THSD7B: variants seen among roughly 807,000 people sequenced by gnomAD.
THSD7B encodes the protein thrombospondin type-1 domain-containing protein 7B.
THSD7B carries 138 observed loss-of-function variants against 213.6 expected under a neutral mutation model. That is an observed-to-expected ratio of 0.65 (90% CI 0.56 to 0.74). The LOEUF is 0.74. THSD7B is among the 30% of genes least tolerant of loss of function. The probability of loss-of-function intolerance (pLI) is 0.00; values close to 1 mark genes in which losing one functional copy is unlikely to be tolerated. For missense variants in THSD7B, 1,931 were observed against 1,991.5 expected, an observed-to-expected ratio of 0.97 and a Z score of 0.58; for synonymous variants, 742 against 687.0, an observed-to-expected ratio of 1.08 and a Z score of -1.25.
chr2:137,595,936 A>G (rs1681949524), intron 17 of THSD7B, among the ~76,000 whole-genome samples: 1 of 151,934 alleles, frequency 6.6e-6, no homozygotes. Context: ...TTTTGAAGAT[A>G]TATATTACAT....
intron 16 of THSD7B, among the ~76,000 whole-genome samples, chr2:137,569,443 T>C (rs1681308658): frequency 6.6e-6 from 1 of 152,180 alleles, no homozygotes; most frequent in African/African-American, 2.4e-5. Flanking sequence ...CCTCTCCAGA[T>C]AGTAAACCAG....
At position 137,238,534 on chromosome 2, in the gene THSD7B, C is replaced by CTTTTTTTTTTT. The variant is rs869146863; in HGVS notation, c.2151-3903_2151-3893dup. Among the ~76,000 whole-genome samples, 47 of 51,876 alleles carry CTTTTTTTTTTT rather than the reference C, an allele frequency of 9.1e-4. 8 individuals carry two copies. Among genetic ancestry groups the CTTTTTTTTTTT allele is most frequent in the African/African-American group, 1.2e-3 (17 of 14,012 alleles). The allele number at this position is 51,876 out of a possible 152,430, so 34.0% of individuals were successfully genotyped here. A position where few individuals can be genotyped will look rare whatever the true frequency, so the allele number is the denominator to read the frequency against. ...TATCCTGATAATGACACTCATCTTT[C>CTTTTTTTTTTT]TTTTTTTTTTTTTTTTTTTTTTTTT... On this transcript the variant is annotated intron_variant, in intron 9 of 27. Coordinates refer to ENST00000409968, the MANE Select transcript of THSD7B (RefSeq NM_001316349.2).
chr2:136,872,527 TTCTTTTCTTTTC>T (rs1683446302), intron 1 of THSD7B, among the ~76,000 whole-genome samples: 1 of 151,970 alleles, frequency 6.6e-6, no homozygotes, highest in Admixed American at 6.6e-5. Context: ...CTTTTATTTT[TTCTTTTCTTTTC>T]TCTTTTTCTT....
intron 1 of THSD7B, among the ~76,000 whole-genome samples, chr2:136,839,257 C>T (rs568893084): frequency 1.3e-5 from 2 of 152,286 alleles, no homozygotes; most frequent in South Asian, 4.1e-4. Context: ...TGAGGGTCAC[C>T]CCTGGCTGGG....
intron 16 of THSD7B, among the ~76,000 whole-genome samples, chr2:137,568,041 G>C (rs1399531978): frequency 6.6e-6 from 1 of 152,140 alleles, no homozygotes; most frequent in African/African-American, 2.4e-5. Context: ...AGTTACTCAA[G>C]AAGACATAGT....
chr2:137,160,071 T>C (rs955655037), intron 5 of THSD7B, 142 bp from the exon 6 acceptor site: 11 of 984,454 alleles, frequency 1.1e-5, no homozygotes, highest in Non-Finnish European at 1.6e-5. Context: ...CAACACATAT[T>C]AGAAAGTGTT....
At chr2:137,356,280 C>T (rs1044348695) in intron 12 of THSD7B, among the ~76,000 whole-genome samples, 1 of 152,170 alleles carries the variant, frequency 6.6e-6, no homozygotes, top group African/African-American at 2.4e-5. Context: ...GATCCACCAA[C>T]TCACGGGCTA....
At chr2:137,153,768 T>A (rs1354857530) in intron 5 of THSD7B, among the ~76,000 whole-genome samples, 1 of 152,162 alleles carries the variant, frequency 6.6e-6, no homozygotes, top group African/African-American at 2.4e-5. Context: ...GGAGGTAGAT[T>A]GAGTTTCTGC....
rs1680893102 is a variant in THSD7B at position 137,553,581 on chromosome 2, A to G, written c.3139-9640A>G. ...ATTCCCATGTGAAGAAATAACAAAT[A>G]GGACTCATTACTAGGAGAATGAAAT... On this transcript the variant is annotated intron_variant, in intron 15 of 27. Coordinates refer to ENST00000409968, the MANE Select transcript of THSD7B (RefSeq NM_001316349.2). 3.3e-5 allele frequency among the ~76,000 whole-genome samples: 5 copies of G among 152,214 alleles called. No individual in the cohort carries two copies. In the South Asian group the frequency reaches 1.0e-3, roughly 32 times the overall value.
At chr2:137,660,211 G>A (rs113276781) in intron 25 of THSD7B, among the ~76,000 whole-genome samples, 13 of 151,570 alleles carry the variant, frequency 8.6e-5, no homozygotes, top group African/African-American at 2.4e-4. Context: ...ATGGGGTGGC[G>A]GTTATGCATG....
intron 1 of THSD7B, among the ~76,000 whole-genome samples, chr2:136,789,170 G>T (rs540381497): frequency 4.4e-4 from 67 of 151,924 alleles, no homozygotes; most frequent in Non-Finnish European, 7.7e-4. Flanking sequence ...TAACAGTTTG[G>T]TTTTTTTAAG....
At chr2:137,144,722 G>A (rs1285944491) in intron 5 of THSD7B, among the ~76,000 whole-genome samples, 2 of 151,966 alleles carry the variant, frequency 1.3e-5, no homozygotes, top group South Asian at 2.1e-4. Flanking sequence ...ACCTAATTGG[G>A]AAGGAGAAAA....
At chr2:136,908,496 C>T (rs576138617) in intron 2 of THSD7B, among the ~76,000 whole-genome samples, 11 of 152,170 alleles carry the variant, frequency 7.2e-5, no homozygotes, top group Non-Finnish European at 1.5e-4. Context: ...CAAATTGGGA[C>T]ACTGAGTTTC....
Position 137,218,206 on chromosome 2 carries a change from A to G in THSD7B, c.1724-12838A>G, listed in dbSNP as rs116950285. 5.4e-4 allele frequency among the ~76,000 whole-genome samples: 82 copies of G among 152,236 alleles called. No individual in the cohort carries two copies. The East Asian group carries it at 0.014, about 26-fold the overall frequency. Reference sequence around the variant, plus strand: ...TCTTTTTTATTTTAATGCAGAGGAAAAAGGAGTACATGTATTTCAAATGTC... The same window carrying G: ...TCTTTTTTATTTTAATGCAGAGGAAGAAGGAGTACATGTATTTCAAATGTC... On this transcript the variant is annotated intron_variant, in intron 7 of 27. Coordinates refer to ENST00000409968, the MANE Select transcript of THSD7B (RefSeq NM_001316349.2).
chr2:137,274,183 GTGAAA>G (rs1682817508), intron 11 of THSD7B, among the ~76,000 whole-genome samples: 1 of 152,032 alleles, frequency 6.6e-6, no homozygotes. Flanking sequence ...CTGCTCCTTA[GTGAAA>G]CATCCTTGAA....
chr2:137,578,551 A>G (rs1006167579), intron 17 of THSD7B, among the ~76,000 whole-genome samples: 1 of 152,216 alleles, frequency 6.6e-6, no homozygotes, highest in African/African-American at 2.4e-5. Flanking sequence ...CTACTCCAGA[A>G]TTTCCCTAAT....
At chr2:137,407,987 T>G (rs1686567032) in intron 13 of THSD7B, among the ~76,000 whole-genome samples, 1 of 151,510 alleles carries the variant, frequency 6.6e-6, no homozygotes, top group Non-Finnish European at 1.5e-5. Context: ...ATATTCTGAC[T>G]TAAGGAAGAA....
At chr2:137,637,914 A>C (rs931000559) in intron 20 of THSD7B, among the ~76,000 whole-genome samples, 8 of 152,242 alleles carry the variant, frequency 5.3e-5, no homozygotes, top group African/African-American at 1.4e-4. Flanking sequence ...TTAGGATAAT[A>C]GGTGTTTCAG....
At chr2:136,906,451 T>C (rs1377911211) in intron 2 of THSD7B, 1 of 152,158 alleles carries the variant, frequency 6.6e-6, no homozygotes, top group Non-Finnish European at 1.5e-5. Flanking sequence ...CTTGCAGGAC[T>C]TGCCAAGTAG....
Sources: gnomAD v4.1 joint callset for allele counts (sites outside exome capture counted in the v4.1 genomes callset) on GRCh38, gnomAD v4.1.1 for gene constraint, MANE v1.5 for transcripts, NCBI Gene and HGNC (gene_info 2026-07-23, HGNC 2026-07-21) for gene names.